Variants in SNAP91 observed in about 807,000 individuals in gnomAD.
SNAP91 encodes synaptosome associated protein 91.
In SNAP91, 27 loss-of-function variants were observed where a neutral mutation model predicts 100.3. That is an observed-to-expected ratio of 0.27 (90% CI 0.20 to 0.37). The LOEUF is 0.37. SNAP91 is among the 10% of genes least tolerant of loss of function. The pLI, the probability that SNAP91 is intolerant of heterozygous loss-of-function variation, is 1.00. For missense variants in SNAP91, 986 were observed against 1,123.7 expected (o/e 0.88, Z 1.75); for synonymous variants, 404 against 398.6 (o/e 1.01, Z -0.16).
Position 83,560,049 on chromosome 6 carries a change from A to G in SNAP91, c.2631+55T>C, listed in dbSNP as rs1489802305. The G allele has an allele frequency of 1.6e-5, 22 of 1,415,958 alleles. No homozygotes were observed. The Admixed American group carries it at 2.0e-4, about 13-fold the overall frequency. The allele number at this position is 1,415,958 out of a possible 1,614,324, so 87.7% of individuals were successfully genotyped here. A position where few individuals can be genotyped will look rare whatever the true frequency, so the allele number is the denominator to read the frequency against. ...ACTTTTTAAACAGTTTGCTACACCA[A>G]TGTTTTACACTTATTAGTTAATGTC... is the stretch of plus-strand genomic sequence containing the variant. On this transcript the variant is annotated intron_variant, in intron 28 of 29. Coordinates refer to ENST00000369694, the MANE Select transcript of SNAP91 (RefSeq NM_001242792.2).
intron 25 of SNAP91, chr6:83,575,699 C>A (rs183776682): frequency 2.3e-5 from 6 of 257,354 alleles, no homozygotes; most frequent in Non-Finnish European, 4.3e-5. Flanking sequence ...TTTTAAAATT[C>A]ATGTTAGCTA....
intron 16 of SNAP91, among the ~76,000 whole-genome samples, chr6:83,598,597 C>G (rs2094782404): frequency 6.6e-6 from 1 of 151,876 alleles, no homozygotes; most frequent in Non-Finnish European, 1.5e-5. Context: ...TGCATAGGAC[C>G]TCAAAAAGGC....
At chr6:83,557,095 T>C (rs569950427) in intron 28 of SNAP91, among the ~76,000 whole-genome samples, 1 of 152,326 alleles carries the variant, frequency 6.6e-6, no homozygotes, top group South Asian at 2.1e-4. Context: ...AAATTATTTT[T>C]TCATTGTGTC....
Position 83,554,282 on chromosome 6 carries a change from G to A in SNAP91, c.*14C>T. The A allele has an allele frequency of 3.3e-6, 1 of 303,660 alleles. No individual in the cohort carries two copies. The highest frequency in any genetic ancestry group is 6.4e-6 in the Non-Finnish European group (1 of 156,356). The allele number at this position is 303,660 out of a possible 1,614,324, so 18.8% of individuals were successfully genotyped here. A position where few individuals can be genotyped will look rare whatever the true frequency, so the allele number is the denominator to read the frequency against. Reference sequence around the variant, plus strand: ...ATTTTCCTATTCAGTCACAAATATTGCAGCTGTAAAGAAAACAAAAACTAG... The same window carrying A: ...ATTTTCCTATTCAGTCACAAATATTACAGCTGTAAAGAAAACAAAAACTAG... On this transcript the variant is annotated 3_prime_UTR_variant, in exon 30 of 30. Transcript: ENST00000369694.
At chr6:83,703,435 A>T (rs2099344909) in intron 2 of SNAP91, among the ~76,000 whole-genome samples, 1 of 152,172 alleles carries the variant, frequency 6.6e-6, no homozygotes, top group Non-Finnish European at 1.5e-5. Flanking sequence ...TATATTTCAT[A>T]TTTACTAAGC....
Position 83,592,969 on chromosome 6 carries a change from G to A in SNAP91, c.1823C>T (p.Ser608Phe). 6.3e-7 allele frequency: 1 copy of A among 1,585,090 alleles called. No individual in the cohort carries two copies. Among genetic ancestry groups the A allele is most frequent in the Non-Finnish European group, 8.6e-7 (1 of 1,165,218 alleles). Residue 608 changes from serine (S) to phenylalanine (F), a missense_variant, in exon 20 of 30, where the codon TCT becomes TTT. This residue lies in a region of SNAP91 where 575 missense variants were observed against 579.9 expected (regional missense o/e 0.99). Coordinates refer to ENST00000369694, the MANE Select transcript of SNAP91 (RefSeq NM_001242792.2). ...PQGASPVPES[S>F]LTADLLSVDA... Reference sequence around the variant, plus strand: ...ACCAGATAAGAGGTCAGCAGTGAGAGAACTCTCAGGCACAGGAGAGGCCCC... The same window carrying A: ...ACCAGATAAGAGGTCAGCAGTGAGAAAACTCTCAGGCACAGGAGAGGCCCC...
intron 2 of SNAP91, chr6:83,686,253 TCAC>T (rs1429872240): frequency 1.1e-6 from 1 of 922,776 alleles, no homozygotes; most frequent in Non-Finnish European, 1.3e-6. Flanking sequence ...AGATGAACCC[TCAC>T]AGGTAATAGT....
At chr6:83,673,409 A>T (rs1424271441) in intron 2 of SNAP91, among the ~76,000 whole-genome samples, 1 of 151,982 alleles carries the variant, frequency 6.6e-6, no homozygotes, top group South Asian at 2.1e-4. Flanking sequence ...TACAGAAGAG[A>T]CCCCTCACCA....
At chr6:83,683,997 C>A (rs1358692685) in intron 2 of SNAP91, among the ~76,000 whole-genome samples, 1 of 152,204 alleles carries the variant, frequency 6.6e-6, no homozygotes, top group Non-Finnish European at 1.5e-5. Flanking sequence ...GTGAGGATCA[C>A]TATCACAATT....
At chr6:83,709,296 G>A (rs1323908012), upstream of SNAP91, 1 of 152,262 alleles carries the variant, frequency 6.6e-6, no homozygotes, top group African/African-American at 2.4e-5. Context: ...CCGGCGGGGA[G>A]AAGAAGGAGG....
intron 9 of SNAP91, 75 bp from the exon 10 acceptor site, chr6:83,617,114 T>A (rs1403226767): frequency 3.1e-6 from 3 of 970,890 alleles, no homozygotes; most frequent in Non-Finnish European, 3.0e-6. Flanking sequence ...TCACTGTAAC[T>A]GTATGGTGGA....
chr6:83,575,074 G>A lies in SNAP91; in HGVS notation c.2378C>T (p.Ala793Val), dbSNP rs1487319185. 4 of 1,607,214 alleles carry A rather than the reference G, an allele frequency of 2.5e-6. No homozygotes were observed. The South Asian group carries it at 3.4e-5, about 13-fold the overall frequency. ...TGGAGCTACTTTAGGCTGCCAGTTG[G>A]CTCCACCAGTCAACTTTTTCTCTCC... ...NAGEKKLTGG[A>V]NWQPKVAPAT... Residue 793 changes from alanine to valine, a missense_variant, in exon 26 of 30, where the codon GCC becomes GTC. Physicochemically the swap from Ala to Val is moderately conservative, Grantham distance 64. Transcript: ENST00000369694.
intron 2 of SNAP91, among the ~76,000 whole-genome samples, chr6:83,691,682 T>A (rs1204546193): frequency 1.3e-5 from 2 of 152,162 alleles, no homozygotes; most frequent in East Asian, 3.9e-4. Flanking sequence ...AATAATAAAG[T>A]CACTCCATAT....
At chr6:83,695,276 CAAAAAAAAAA>C in intron 2 of SNAP91, among the ~76,000 whole-genome samples, 1 of 67,300 alleles carries the variant, frequency 1.5e-5, no homozygotes, top group Admixed American at 2.2e-4. Flanking sequence ...GGCTCCATCT[CAAAAAAAAAA>C]AAAAAAAAAA....
chr6:83,663,348 G>T (rs13214492), intron 3 of SNAP91, among the ~76,000 whole-genome samples: 26,564 of 152,128 alleles, frequency 0.17, 2,964 homozygotes, highest in South Asian at 0.28. Flanking sequence ...AGCTGAGAAA[G>T]GCCAAAAGCT....
chr6:83,679,357 T>C (rs1401289990), intron 2 of SNAP91, among the ~76,000 whole-genome samples: 1 of 152,140 alleles, frequency 6.6e-6, no homozygotes, highest in African/African-American at 2.4e-5. Context: ...AAAGGGAAAC[T>C]AGTTTTTTAA....
At chr6:83,601,179 C>G (rs988106013) in intron 16 of SNAP91, 92 bp downstream of exon 16, 1 of 1,090,890 alleles carries the variant, frequency 9.2e-7, no homozygotes, top group East Asian at 2.5e-5. Context: ...CTCTGACATG[C>G]TGTTACATAA....
In SNAP91 at chr6:83,599,280, T is replaced by C. The variant is rs182781857; in HGVS notation, c.1324+1991A>G. 4.0e-3 allele frequency among the ~76,000 whole-genome samples: 608 copies of C among 152,310 alleles called. 3 individuals carry two copies. Among genetic ancestry groups the C allele is most frequent in the African/African-American group, 0.013 (553 of 41,580 alleles). On this transcript the variant is annotated intron_variant, in intron 16 of 29. Transcript: ENST00000369694. ...TATGCAGGAAGTAAGATAGAGTTGA[T>C]TGATTTCTTTGAGGTAATCAACTCC...
rs58013273 is a variant in SNAP91, at chr6:83,572,421, AT to A, written c.2442+2588del. Among the ~76,000 whole-genome samples, 6 of 150,654 alleles carry A rather than the reference AT, an allele frequency of 4.0e-5. No individual in the cohort carries two copies. In the South Asian group the frequency reaches 1.3e-3, roughly 32 times the overall value. On this transcript the variant is annotated intron_variant, in intron 26 of 29. Transcript: ENST00000369694. ...GCCACCATGGCTTGCAAAGTTTTGC[AT>A]TTTTTTTTGGTAGAGATGGGGTTTC...
Sources: gnomAD v4.1 joint callset for allele counts (sites outside exome capture counted in the v4.1 genomes callset) on GRCh38, gnomAD v4.1.1 for gene constraint, gnomAD v4.1.1 regional missense constraint, MANE v1.5 for transcripts, NCBI Gene and HGNC (gene_info 2026-07-23, HGNC 2026-07-21) for gene names.